The following NEGR1 variants were observed in gnomAD, a reference collection of about 807,000 sequenced individuals.
NEGR1 encodes IgLON family member 4.
A neutral mutation model predicts 40.9 loss-of-function variants in NEGR1; 10 were observed. The ratio of observed to expected loss-of-function variants is 0.24; its 90% CI spans 0.15 to 0.42. NEGR1 has a LOEUF of 0.42. Ranked by LOEUF, NEGR1 falls within the 10% of genes least tolerant of loss-of-function variation. The probability of loss-of-function intolerance (pLI) is 1.00; values close to 1 mark genes in which losing one functional copy is unlikely to be tolerated. For missense variants in NEGR1, 352 were observed against 438.9 expected (o/e 0.80, Z 1.77); for synonymous variants, 185 against 166.8 (o/e 1.11, Z -0.84).
chr1:72,204,208 A>AT (rs1381357158), intron 1 of NEGR1, among the ~76,000 whole-genome samples: 1 of 152,096 alleles, frequency 6.6e-6, no homozygotes, highest in African/African-American at 2.4e-5. Context: ...GGGTGACTAC[A>AT]TAATACATTT....
chr1:72,061,510 CGTT>C (rs987701189), intron 1 of NEGR1, among the ~76,000 whole-genome samples: 20 of 151,754 alleles, frequency 1.3e-4, no homozygotes, highest in African/African-American at 4.8e-4. Flanking sequence ...CATAGACAAA[CGTT>C]GTGTCTAATT....
intron 1 of NEGR1, among the ~76,000 whole-genome samples, chr1:72,189,516 G>A (rs1237339044): frequency 6.6e-6 from 1 of 151,480 alleles, no homozygotes; most frequent in Non-Finnish European, 1.5e-5. Flanking sequence ...TCTCCTCACT[G>A]TATATATGTC....
At chr1:71,527,902 T>C (rs887918734) in intron 6 of NEGR1, among the ~76,000 whole-genome samples, 6 of 151,344 alleles carry the variant, frequency 4.0e-5, no homozygotes, top group Non-Finnish European at 7.4e-5. Flanking sequence ...TGGTAGAAAA[T>C]TAATTCTGTT....
chr1:72,151,726 A>G (rs1651131621), intron 1 of NEGR1, among the ~76,000 whole-genome samples: 1 of 151,866 alleles, frequency 6.6e-6, no homozygotes, highest in Non-Finnish European at 1.5e-5. Flanking sequence ...CTATGATCTA[A>G]GAAAAAAATT....
chr1:71,610,224 A>C (rs565204658), intron 5 of NEGR1, among the ~76,000 whole-genome samples: 1 of 152,280 alleles, frequency 6.6e-6, no homozygotes, highest in Admixed American at 6.5e-5. Context: ...TTGACTTCGA[A>C]AGTGGGAATT....
chr1:71,433,701 A>G (rs1646484290), intron 6 of NEGR1, among the ~76,000 whole-genome samples: 1 of 152,178 alleles, frequency 6.6e-6, no homozygotes, highest in African/African-American at 2.4e-5. Flanking sequence ...TCATGATTCA[A>G]ATTATCTCCC....
intron 3 of NEGR1, among the ~76,000 whole-genome samples, chr1:71,742,040 A>G (rs138844720): frequency 2.7e-4 from 41 of 152,262 alleles, no homozygotes; most frequent in African/African-American, 9.1e-4. Context: ...TTGGGTGAGG[A>G]CAAGATCTAA....
At chr1:72,183,196 G>A (rs1652455397) in intron 1 of NEGR1, among the ~76,000 whole-genome samples, 1 of 152,004 alleles carries the variant, frequency 6.6e-6, no homozygotes, top group Admixed American at 6.6e-5. Context: ...CCTACTTCAG[G>A]GAGCATAGCT....
At chr1:71,511,385 A>T (rs780164723) in intron 6 of NEGR1, among the ~76,000 whole-genome samples, 1 of 152,198 alleles carries the variant, frequency 6.6e-6, no homozygotes, top group Non-Finnish European at 1.5e-5. Context: ...TAGTTGACCA[A>T]CAGAACCATT....
At chr1:71,587,466 G>A (rs985206865) in intron 6 of NEGR1, among the ~76,000 whole-genome samples, 7 of 151,602 alleles carry the variant, frequency 4.6e-5, no homozygotes, top group African/African-American at 7.3e-5. Context: ...TATGAAAGGA[G>A]ACATTCCAGA....
At chr1:72,055,188 A>G (rs1647099296) in intron 1 of NEGR1, among the ~76,000 whole-genome samples, 1 of 151,222 alleles carries the variant, frequency 6.6e-6, no homozygotes, top group African/African-American at 2.4e-5. Flanking sequence ...TATTATGAAT[A>G]TCTTTTGAGG....
chr1:71,624,655 A>G (rs749612190), intron 4 of NEGR1, among the ~76,000 whole-genome samples: 2 of 151,990 alleles, frequency 1.3e-5, no homozygotes, highest in South Asian at 4.2e-4. Flanking sequence ...TTTTTACTTG[A>G]TACTTCCTCA....
intron 3 of NEGR1, among the ~76,000 whole-genome samples, chr1:71,700,512 G>C (rs982958657): frequency 6.6e-6 from 1 of 151,898 alleles, no homozygotes; most frequent in Non-Finnish European, 1.5e-5. Flanking sequence ...AGTTGTCTAT[G>C]GCTGCCATAA....
intron 6 of NEGR1, among the ~76,000 whole-genome samples, chr1:71,427,978 C>T (rs1646440099): frequency 7.5e-6 from 1 of 132,990 alleles, no homozygotes; most frequent in Non-Finnish European, 1.6e-5. Flanking sequence ...ATAAGACACA[C>T]TGAGAGGCTG....
At chr1:71,705,878 A>G (rs1340085083) in intron 3 of NEGR1, among the ~76,000 whole-genome samples, 1 of 152,118 alleles carries the variant, frequency 6.6e-6, no homozygotes, top group East Asian at 1.9e-4. Context: ...GAAGGAAGGA[A>G]GCAAGGAAGG....
intron 3 of NEGR1, among the ~76,000 whole-genome samples, chr1:71,759,727 G>A (rs1373607842): frequency 4.1e-5 from 6 of 146,740 alleles, no homozygotes; most frequent in South Asian, 2.2e-4. Flanking sequence ...CTTCTGCCTC[G>A]GCCTCCCAAG....
intron 6 of NEGR1, among the ~76,000 whole-genome samples, chr1:71,530,590 CA>C (rs1267425979): frequency 3.3e-5 from 5 of 151,282 alleles, no homozygotes; most frequent in Admixed American, 1.3e-4. Context: ...TTCAATTCAA[CA>C]CGTATTTATT....
intron 2 of NEGR1, among the ~76,000 whole-genome samples, chr1:71,826,054 G>A (rs1182477675): frequency 6.6e-6 from 1 of 151,748 alleles, no homozygotes; most frequent in Non-Finnish European, 1.5e-5. Context: ...CGCCTCTATC[G>A]GCTGTTTGAT....
intron 1 of NEGR1, among the ~76,000 whole-genome samples, chr1:72,169,373 C>T (rs993735402): frequency 6.6e-6 from 1 of 152,080 alleles, no homozygotes; most frequent in Non-Finnish European, 1.5e-5. Flanking sequence ...ACTTTAAAAG[C>T]TTAATAAACA....
Sources: allele counts gnomAD v4.1 joint callset (sites outside exome capture counted in the v4.1 genomes callset), GRCh38; gene constraint gnomAD v4.1.1; transcripts MANE v1.5; gene names NCBI Gene and HGNC (gene_info 2026-07-23, HGNC 2026-07-21).